Variants in BIRC6 observed in about 807,000 individuals in gnomAD.
The protein encoded by BIRC6 is dual E2 ubiquitin-conjugating enzyme/E3 ubiquitin-protein ligase BIRC6.
BIRC6 carries 98 observed loss-of-function variants against 503.3 expected under a neutral mutation model. The observed-to-expected ratio is 0.19, with a 90% CI of 0.17 to 0.23. The LOEUF (loss-of-function observed/expected upper bound fraction) is 0.23, where lower values mean the gene tolerates loss of function less well. BIRC6 is among the 10% of genes least tolerant of loss of function. The pLI is 1.00. For missense variants in BIRC6, 5,360 were observed against 5,806.0 expected (o/e 0.92, Z 2.50); for synonymous variants, 2,240 against 2,078.7 (o/e 1.08, Z -2.11).
Position 32,545,628 on chromosome 2 carries a change from C to A in BIRC6, c.12593-15C>A. 6.3e-7 allele frequency: 1 copy of A among 1,598,058 alleles called. No individual in the cohort carries two copies. Among genetic ancestry groups the A allele is most frequent in the Non-Finnish European group, 8.6e-7 (1 of 1,165,776 alleles). The stretch of plus-strand genomic sequence containing the variant: ...ACTGTTTTTAATCTTGAGTCCTCTT[C>A]TTTCTTCAATCTAGGTCATATTCTT... On this transcript the variant is annotated splice_polypyrimidine_tract_variant and intron_variant, in intron 62 of 73. Coordinates refer to ENST00000421745, the MANE Select transcript of BIRC6 (RefSeq NM_016252.4).
Position 32,607,546 on chromosome 2 carries a change from C to T in BIRC6, c.14162C>T (p.Thr4721Ile). The T allele has an allele frequency of 1.2e-6, 2 of 1,613,770 alleles. No homozygotes were observed. The highest frequency in any genetic ancestry group is 1.7e-6 in the Non-Finnish European group (2 of 1,179,752). The change falls in exon 72 of 74, where the codon ACA (threonine) becomes ATA (isoleucine). Residue 4721 changes from threonine (T) to isoleucine (I), a missense_variant. By Grantham distance (89) the Thr-to-Ile change is moderately conservative. Around this residue, in one of 16 missense-constraint regions of BIRC6, gnomAD observed 40 missense variants for 53.4 expected, o/e 0.75. Coordinates refer to ENST00000421745, the MANE Select transcript of BIRC6 (RefSeq NM_016252.4). ...CGGTCTAGAGGCACTCCCAGTGGCA[C>T]ACAGAGTTCTCGAGAATATGATGGA... ...YERSRGTPSG[T>I]QSSREYDGNI...
intron 1 of BIRC6, among the ~76,000 whole-genome samples, chr2:32,358,427 C>G (rs541115443): frequency 6.6e-6 from 1 of 152,110 alleles, no homozygotes; most frequent in East Asian, 1.9e-4. Context: ...TTGGAATGGC[C>G]CTGGCTGAGT....
intron 65 of BIRC6, chr2:32,563,574 A>T (rs2059340349): frequency 6.6e-6 from 1 of 152,226 alleles, no homozygotes; most frequent in South Asian, 2.1e-4. Flanking sequence ...AATTGAAGAA[A>T]ATAAATATTT....
At chr2:32,407,194 C>A (rs1261558948) in intron 9 of BIRC6, among the ~76,000 whole-genome samples, 2 of 151,904 alleles carry the variant, frequency 1.3e-5, no homozygotes, top group African/African-American at 4.8e-5. Flanking sequence ...GTCGGTAATC[C>A]TAGCACTTTG....
At chr2:32,446,752 T>A (rs1005970838) in intron 21 of BIRC6, among the ~76,000 whole-genome samples, 2 of 131,812 alleles carry the variant, frequency 1.5e-5, no homozygotes, top group Non-Finnish European at 3.3e-5. Flanking sequence ...TTTTTTTTTT[T>A]TTTTTTTTTT....
chr2:32,542,116 C>CTA (rs145652241), intron 61 of BIRC6, among the ~76,000 whole-genome samples: 1,877 of 148,058 alleles, frequency 0.013, 17 homozygotes, highest in African/African-American at 0.028. Flanking sequence ...GAAATTATGT[C>CTA]TATATATATA....
intron 66 of BIRC6, among the ~76,000 whole-genome samples, chr2:32,577,030 C>CG (rs2060316450): frequency 6.6e-6 from 1 of 151,984 alleles, no homozygotes; most frequent in Non-Finnish European, 1.5e-5. Context: ...GTGGCCCCCC[C>CG]CAGAATCTTT....
intron 8 of BIRC6, 91 bp from the exon 9 acceptor site, chr2:32,406,408 C>A: frequency 1.0e-6 from 1 of 987,368 alleles, no homozygotes; most frequent in Non-Finnish European, 1.5e-6. Flanking sequence ...CAAAAAAACC[C>A]ACAAAACCAA....
At chr2:32,394,611 C>CTT (rs2039644381) in intron 5 of BIRC6, among the ~76,000 whole-genome samples, 1 of 152,064 alleles carries the variant, frequency 6.6e-6, no homozygotes, top group African/African-American at 2.4e-5. Flanking sequence ...GCAGGAGGAT[C>CTT]GCTTAAGCCC....
At chr2:32,594,250 C>T in intron 67 of BIRC6, 190 bp downstream of exon 67, 1 of 529,860 alleles carries the variant, frequency 1.9e-6, no homozygotes, top group Admixed American at 3.7e-5. Flanking sequence ...AATTTTTAAA[C>T]ATTTCTACTA....
At chr2:32,586,379 C>T (rs550028659) in intron 66 of BIRC6, among the ~76,000 whole-genome samples, 21 of 148,508 alleles carry the variant, frequency 1.4e-4, no homozygotes, top group Non-Finnish European at 2.4e-4. Flanking sequence ...TTATGTTTCA[C>T]GACAGTTTTC....
intron 19 of BIRC6, 152 bp from the exon 20 acceptor site, chr2:32,443,339 A>G: frequency 1.8e-6 from 1 of 568,538 alleles, no homozygotes; most frequent in South Asian, 2.5e-5. Context: ...AGTTCCCGCT[A>G]TCTTTTGGTA....
rs1305308941 is a variant in BIRC6 at position 32,393,089 on chromosome 2, T to A, written c.951+939T>A. On this transcript the variant is annotated intron_variant, in intron 5 of 73. Transcript: ENST00000421745. ...TTAGGGTAATGCAATAAAAGCAGTT[T>A]TACAGTTTCGAAATTCTCATTTTAG... is the stretch of plus-strand genomic sequence containing the variant. Among the ~76,000 whole-genome samples, 3 of 151,960 alleles carry A rather than the reference T, an allele frequency of 2.0e-5. No individual in the cohort carries two copies. The East Asian group carries it at 5.8e-4, about 29-fold the overall frequency.
chr2:32,479,081 T>A (rs2050089487), intron 36 of BIRC6, among the ~76,000 whole-genome samples: 3 of 152,210 alleles, frequency 2.0e-5, no homozygotes, highest in Non-Finnish European at 4.4e-5. Context: ...CTAGCCTGCT[T>A]TATTATTAAC....
intron 33 of BIRC6, among the ~76,000 whole-genome samples, chr2:32,475,669 A>G (rs922297467): frequency 2.0e-5 from 3 of 152,202 alleles, no homozygotes; most frequent in East Asian, 1.9e-4. Flanking sequence ...TTTTTGCAAA[A>G]TATCATTAGA....
At chr2:32,519,762 C>T (rs563346678) in intron 57 of BIRC6, among the ~76,000 whole-genome samples, 12 of 152,322 alleles carry the variant, frequency 7.9e-5, no homozygotes, top group African/African-American at 2.2e-4. Context: ...AAGTGATCCG[C>T]CCACCTCGGC....
intron 15 of BIRC6, among the ~76,000 whole-genome samples, chr2:32,437,206 T>C (rs2044824188): frequency 6.6e-6 from 1 of 152,112 alleles, no homozygotes; most frequent in Non-Finnish European, 1.5e-5. Flanking sequence ...GGATTTTTAT[T>C]AGAAGAGCTT....
At chr2:32,403,192 G>A (rs2040792198) in intron 8 of BIRC6, among the ~76,000 whole-genome samples, 1 of 152,146 alleles carries the variant, frequency 6.6e-6, no homozygotes. Context: ...TCCCCAAGAA[G>A]TAGGAGCAGT....
In BIRC6 at chr2:32,468,692, A is replaced by T. The variant is rs2048811977; in HGVS notation, c.6036A>T (p.Glu2012Asp). ...TGTTGAGTGAAACATCAAATCCAGAAGATTTAATTCAGACATCTTCCACAG... is the reference window on the plus strand; with the variant it reads ...TGTTGAGTGAAACATCAAATCCAGATGATTTAATTCAGACATCTTCCACAG... The part of the protein sequence containing the change: ...RKMLSETSNP[E>D]DLIQTSSTEQ... The change falls in exon 29 of 74, where the codon GAA becomes GAT. Residue 2012 changes from glutamate to aspartate, a missense_variant. Physicochemically the swap from Glu to Asp is conservative, Grantham distance 45. This residue lies in a region of BIRC6 where 2,299 missense variants were observed against 2,267.2 expected (regional missense o/e 1.01). Transcript: ENST00000421745. 1 of 1,613,876 alleles carries T rather than the reference A, an allele frequency of 6.2e-7. No homozygotes were observed. The highest frequency in any genetic ancestry group is 1.3e-5 in the African/African-American group (1 of 74,938).
Sources: allele counts gnomAD v4.1 joint callset (sites outside exome capture counted in the v4.1 genomes callset), GRCh38; gene constraint gnomAD v4.1.1; regional missense constraint gnomAD v4.1.1; transcripts MANE v1.5; gene names NCBI Gene and HGNC (gene_info 2026-07-23, HGNC 2026-07-21).